Variants in CNGA2 observed in about 807,000 individuals in gnomAD.
CNGA2 encodes cyclic nucleotide-gated channel alpha-2.
In CNGA2, 22 loss-of-function variants were observed where a neutral mutation model predicts 35.9. The observed-to-expected ratio is 0.61, with a 90% CI of 0.44 to 0.88. The LOEUF is 0.88. CNGA2 is among the 40% of genes least tolerant of loss of function. The pLI, the probability that CNGA2 is intolerant of heterozygous loss-of-function variation, is 0.00. For synonymous variants in CNGA2, 217 were observed against 209.2 expected, an observed-to-expected ratio of 1.04 and a Z score of -0.32; for missense variants, 555 against 530.8, an observed-to-expected ratio of 1.05 and a Z score of -0.45.
At chrX:151,737,233 T>TAGGGCATGCCAACCAGCCCTGGC (rs1276273953) in intron 1 of CNGA2, among the ~76,000 whole-genome samples, 12 of 112,057 alleles carry the variant, frequency 1.1e-4, no homozygotes, top group African/African-American at 3.9e-4. Flanking sequence ...CCACACCTGG[T>TAGGGCATGCCAACCAGCCCTGGC]AGGGCATGCC....
rs6627455 is a variant in CNGA2, at chrX:151,739,710, G to C, written c.352G>C (p.Asp118His). 1.9e-3 allele frequency: 2,307 copies of C among 1,209,783 alleles called. 37 individuals are homozygous for C. The African/African-American group carries it at 0.037, about 19-fold the overall frequency. ...GGAGGGGGATGGCAAAGGCGACAAG[G>C]ATGGCGAGGACAAAGGCACCAAGTA... Reference protein sequence around the residue: ...TQEGDGKGDKDGEDKGTKKKF... With the variant: ...TQEGDGKGDKHGEDKGTKKKF... Residue 118 changes from aspartate (D) to histidine (H), a missense_variant, in exon 4 of 7, where the codon GAT (aspartate) becomes CAT (histidine). By Grantham distance (81) the Asp-to-His change is moderately conservative. Transcript: ENST00000329903.
intron 4 of CNGA2, among the ~76,000 whole-genome samples, chrX:151,740,014 G>A (rs758897260): frequency 8.9e-6 from 1 of 112,389 alleles, no homozygotes; most frequent in Non-Finnish European, 1.9e-5. Context: ...CCCAGTTCCA[G>A]TGGTCAGGAA....
Position 151,743,418 on chromosome X carries a change from C to T in CNGA2, c.915C>T (p.Asp305=). The T allele has an allele frequency of 8.3e-7, 1 of 1,210,897 alleles. No individual in the cohort carries two copies. The highest frequency in any genetic ancestry group is 1.1e-6 in the Non-Finnish European group (1 of 895,356). ...CCAAATCCATAGGCTTTGGGGTCGA[C>T]ACCTGGGTTTACCCAAACATCACTG... The part of the protein sequence containing the change: ...AISKSIGFGV[D]TWVYPNITDP... Residue 305 remains aspartate, a synonymous_variant, in exon 7 of 7, where the codon GAC becomes GAT. Transcript: ENST00000329903.
At position 151,738,842 on chromosome X, in the gene CNGA2, G is replaced by A. The variant is rs1569427640; in HGVS notation, c.166G>A (p.Val56Met). The change falls in exon 3 of 7, where the codon GTG becomes ATG. Residue 56 changes from valine to methionine, a missense_variant. Transcript: ENST00000329903. ...TSSELQRLADVDAPQQGRSGF... is the reference protein window; with the variant it reads ...TSSELQRLADMDAPQQGRSGF... ...CTCAGAACTGCAGAGGCTGGCAGAC[G>A]TGGATGCCCCACAGCAGGGAAGGAG... The A allele has an allele frequency of 9.3e-6, 11 of 1,177,808 alleles. No individual in the cohort carries two copies. Among genetic ancestry groups the A allele is most frequent in the South Asian group, 3.8e-5 (2 of 53,222 alleles).
At position 151,739,563 on chromosome X, in the gene CNGA2, A is replaced by G; in HGVS notation, c.205A>G (p.Ile69Val). 1.7e-6 allele frequency: 2 copies of G among 1,210,896 alleles called. No individual in the cohort carries two copies. The highest frequency in any genetic ancestry group is 1.8e-5 in the South Asian group (1 of 56,745). ...ATACTCTTTTTCTCTCACCTCTAGG[A>G]TAGTTCGCCTGGTGGGGATCATCAG... ...PQQGRSGFRR[I>V]VRLVGIIREW... Residue 69 changes from isoleucine (I) to valine (V), a missense_variant and splice_region_variant, in exon 4 of 7, where the codon ATA (isoleucine) becomes GTA (valine). Physicochemically the swap from Ile to Val is conservative, Grantham distance 29 (BLOSUM62 3). Transcript: ENST00000329903.
chrX:151,741,007 C>T (rs1225958220), intron 5 of CNGA2, 106 bp downstream of exon 5: 3 of 553,372 alleles, frequency 5.4e-6, no homozygotes, highest in Non-Finnish European at 9.4e-6. Flanking sequence ...TCCAACTTCT[C>T]TGTTAACCCC....
Position 151,738,544 on chromosome X carries a change from C to A in CNGA2, c.61C>A (p.Pro21Thr), listed in dbSNP as rs150994680. The A allele has an allele frequency of 3.4e-4, 411 of 1,210,080 alleles. No individual in the cohort carries two copies. The highest frequency in any genetic ancestry group is 4.4e-4 in the Non-Finnish European group (398 of 895,142). ...SPANNHNHHA[P>T]PAIKANGKDD... The stretch of plus-strand genomic sequence containing the variant: ...AGCCAATAATCACAACCATCATGCA[C>A]CTCCTGCCATCAAGGCCAATGGCAA... Residue 21 changes from proline (P) to threonine (T), a missense_variant, in exon 2 of 7, where the codon CCT (proline) becomes ACT (threonine). Pro to Thr is a conservative substitution (Grantham distance 38). Transcript: ENST00000329903.
intron 3 of CNGA2, among the ~76,000 whole-genome samples, chrX:151,739,346 C>A (rs931754780): frequency 2.7e-5 from 3 of 112,478 alleles, no homozygotes; most frequent in African/African-American, 9.7e-5. Flanking sequence ...GCAGTCTCCC[C>A]CTGGACTGCA....
intron 1 of CNGA2, among the ~76,000 whole-genome samples, chrX:151,736,714 G>A (rs1169584435): frequency 9.0e-6 from 1 of 110,803 alleles, no homozygotes; most frequent in Non-Finnish European, 1.9e-5. Flanking sequence ...GGACGGGTCT[G>A]TTTCCTGGTA....
chrX:151,735,084 C>A (rs1171882729), intron 1 of CNGA2, among the ~76,000 whole-genome samples, 141 bp downstream of exon 1: 2 of 112,025 alleles, frequency 1.8e-5, no homozygotes, highest in African/African-American at 6.5e-5. Flanking sequence ...CCTCAAAATT[C>A]TTTCAATAAA....
chrX:151,744,613 C>A lies in CNGA2; in HGVS notation c.*115C>A. ...TTACCCTCATGTTCCCTGAATTCTC[C>A]CAAAAGCCTCTCTGACCCTGGGTTT... On this transcript the variant is annotated 3_prime_UTR_variant, in exon 7 of 7. Transcript: ENST00000329903. 1 of 668,563 alleles carries A rather than the reference C, an allele frequency of 1.5e-6. No individual in the cohort carries two copies. The highest frequency in any genetic ancestry group is 2.2e-6 in the Non-Finnish European group (1 of 461,324). The allele number at this position is 668,563 out of a possible 1,213,427, so 55.1% of individuals were successfully genotyped here.
chrX:151,739,645 A>C lies in CNGA2; in HGVS notation c.287A>C (p.Glu96Ala), dbSNP rs1338532435. 1.7e-6 allele frequency: 2 copies of C among 1,211,510 alleles called. No homozygotes were observed. The highest frequency in any genetic ancestry group is 2.2e-6 in the Non-Finnish European group (2 of 895,458). The change falls in exon 4 of 7, where the codon GAG (glutamate) becomes GCG (alanine). Residue 96 changes from glutamate (E) to alanine (A), a missense_variant. Coordinates refer to ENST00000329903, the MANE Select transcript of CNGA2 (RefSeq NM_005140.3). ...EEEPRPDSFL[E>A]RFRGPELQTV... ...GAACCTAGGCCTGACTCATTCCTCGAGCGTTTTCGTGGGCCTGAACTCCAG... is the reference window on the plus strand; with the variant it reads ...GAACCTAGGCCTGACTCATTCCTCGCGCGTTTTCGTGGGCCTGAACTCCAG...
In CNGA2 at chrX:151,744,024, G is replaced by A. The variant is rs749528686; in HGVS notation, c.1521G>A (p.Val507=). ...GKLAVVADDG[V]TQYALLSAGS... ...TGGCAGTGGTGGCTGATGATGGTGT[G>A]ACTCAGTATGCTCTGCTGTCGGCTG... The change falls in exon 7 of 7, where the codon GTG becomes GTA. Residue 507 remains valine, a synonymous_variant. Coordinates refer to ENST00000329903, the MANE Select transcript of CNGA2 (RefSeq NM_005140.3). The A allele has an allele frequency of 8.3e-7, 1 of 1,211,487 alleles. No homozygotes were observed. The highest frequency in any genetic ancestry group is 1.8e-5 in the South Asian group (1 of 56,941).
rs771412305 is a variant in CNGA2 at position 151,742,648 on chromosome X, T to C, written c.589+6T>C. The C allele has an allele frequency of 2.5e-6, 3 of 1,184,359 alleles. No individual in the cohort carries two copies. The Admixed American group carries it at 6.6e-5, about 26-fold the overall frequency. ...CTTCATCCGATTGCGCACAGGTCAG[T>C]GAGCAACTGGGATGCAGGTAAATCC... On this transcript the variant is annotated splice_donor_region_variant and intron_variant, in intron 6 of 6. Transcript: ENST00000329903.
Position 151,744,752 on chromosome X carries a change from G to T in CNGA2, c.*254G>T, listed in dbSNP as rs2015359209. 3.1e-6 allele frequency: 1 copy of T among 318,928 alleles called. No homozygotes were observed. Among genetic ancestry groups the T allele is most frequent in the Non-Finnish European group, 5.5e-6 (1 of 183,001 alleles). The allele number at this position is 318,928 out of a possible 1,213,427, so 26.3% of individuals were successfully genotyped here. A position where few individuals can be genotyped will look rare whatever the true frequency, so the allele number is the denominator to read the frequency against. On this transcript the variant is annotated 3_prime_UTR_variant, in exon 7 of 7. Transcript: ENST00000329903. ...GGCCTGCCTAAGTCTGAGGAAGGGAGAAGGGGGCAGCTGTCTGCCAGGAGT... is the reference window on the plus strand; with the variant it reads ...GGCCTGCCTAAGTCTGAGGAAGGGATAAGGGGGCAGCTGTCTGCCAGGAGT...
chrX:151,740,529 G>A (rs1446947214), intron 4 of CNGA2, among the ~76,000 whole-genome samples: 1 of 112,338 alleles, frequency 8.9e-6, no homozygotes, highest in Non-Finnish European at 1.9e-5. Flanking sequence ...TGGGCAAGGG[G>A]CCTGTAACGT....
rs2015232368 is a variant in CNGA2, at chrX:151,734,900, C to T, written c.-70C>T. Among the ~76,000 whole-genome samples the T allele has an allele frequency of 8.9e-6, 1 of 111,875 alleles. No individual in the cohort carries two copies. The highest frequency in any genetic ancestry group is 3.9e-4 in the South Asian group (1 of 2,595). On this transcript the variant is annotated 5_prime_UTR_variant, in exon 1 of 7. Coordinates refer to ENST00000329903, the MANE Select transcript of CNGA2 (RefSeq NM_005140.3). ...CACCACTGAGCTCGAGACTGCCAGA[C>T]ACTTCTTTCTAAACTCAGCACCCAG...
At position 151,743,430 on chromosome X, in the gene CNGA2, C is replaced by T; in HGVS notation, c.927C>T (p.Tyr309=). The change falls in exon 7 of 7, where the codon TAC becomes TAT. Residue 309 remains tyrosine, a synonymous_variant. Coordinates refer to ENST00000329903, the MANE Select transcript of CNGA2 (RefSeq NM_005140.3). ...SIGFGVDTWV[Y]PNITDPEYGY... ...GCTTTGGGGTCGACACCTGGGTTTACCCAAACATCACTGACCCTGAGTATG... is the reference window on the plus strand; with the variant it reads ...GCTTTGGGGTCGACACCTGGGTTTATCCAAACATCACTGACCCTGAGTATG... 2 of 1,210,841 alleles carry T rather than the reference C, an allele frequency of 1.7e-6. No homozygotes were observed. The highest frequency in any genetic ancestry group is 3.0e-5 in the East Asian group (1 of 33,800).
At chrX:151,736,557 C>G (rs2015249248) in intron 1 of CNGA2, among the ~76,000 whole-genome samples, 1 of 111,353 alleles carries the variant, frequency 9.0e-6, no homozygotes, top group African/African-American at 3.3e-5. Context: ...GCTGATTTGA[C>G]ATGATGGTAG....
Sources: gnomAD v4.1 joint callset for allele counts (sites outside exome capture counted in the v4.1 genomes callset) on GRCh38, gnomAD v4.1.1 for gene constraint, MANE v1.5 for transcripts, NCBI Gene and HGNC (gene_info 2026-07-23, HGNC 2026-07-21) for gene names.